SLC25A14: variants seen among roughly 807,000 people sequenced by gnomAD.
SLC25A14 encodes the protein brain mitochondrial carrier protein 1.
Under a neutral mutation model 28.1 loss-of-function variants are expected in SLC25A14, and 8 were observed. The ratio of observed to expected loss-of-function variants is 0.28; its 90% CI spans 0.17 to 0.51. The LOEUF (loss-of-function observed/expected upper bound fraction) is 0.51. SLC25A14 is among the 20% of genes least tolerant of loss of function. SLC25A14 has a pLI of 0.97. For missense variants in SLC25A14, 135 were observed against 263.8 expected (o/e 0.51, Z 3.38); for synonymous variants, 74 against 90.6 (o/e 0.82, Z 1.04).
At chrX:130,359,408 T>G (rs2033900280) in intron 7 of SLC25A14, among the ~76,000 whole-genome samples, 1 of 105,220 alleles carries the variant, frequency 9.5e-6, no homozygotes, top group African/African-American at 3.4e-5. Flanking sequence ...CCTTAAACAA[T>G]TTTTTAACCT....
intron 4 of SLC25A14, among the ~76,000 whole-genome samples, chrX:130,348,782 C>T (rs1161774723): frequency 2.0e-3 from 13 of 6,560 alleles, no homozygotes; most frequent in African/African-American, 8.1e-3. Context: ...GAGACTCTAC[C>T]CCCCCCCCCC....
intron 8 of SLC25A14, 77 bp downstream of exon 8, chrX:130,364,829 T>C: frequency 8.6e-7 from 1 of 1,160,836 alleles, no homozygotes; most frequent in Non-Finnish European, 1.2e-6. Context: ...AATCCTCAGG[T>C]GGAATTTGAT....
Position 130,370,815 on chromosome X carries a change from G to A in SLC25A14, c.856-749G>A, listed in dbSNP as rs138859977. Among the ~76,000 whole-genome samples, 442 of 112,320 alleles carry A rather than the reference G, an allele frequency of 3.9e-3. 1 individual carries two copies. The highest frequency in any genetic ancestry group is 0.014 in the African/African-American group (422 of 30,970). On this transcript the variant is annotated intron_variant, in intron 9 of 10. Coordinates refer to ENST00000545805, the MANE Select transcript of SLC25A14 (RefSeq NM_001282195.2). ...TATGCACTCCATGAGGGTAGAAACT[G>A]CTGTATAGGTTACCTATTGCTGTGT... is the stretch of plus-strand genomic sequence containing the variant.
intron 2 of SLC25A14, among the ~76,000 whole-genome samples, chrX:130,342,871 C>G (rs759012549): frequency 9.4e-6 from 1 of 105,851 alleles, no homozygotes; most frequent in South Asian, 4.1e-4. Flanking sequence ...ATACATTTAG[C>G]TGAAAAAAAA....
At chrX:130,344,419 C>T (rs1310940030) in intron 2 of SLC25A14, among the ~76,000 whole-genome samples, 2 of 110,963 alleles carry the variant, frequency 1.8e-5, no homozygotes, top group Non-Finnish European at 3.8e-5. Flanking sequence ...ACAGGTCTAA[C>T]GGGGGTGGGA....
intron 6 of SLC25A14, among the ~76,000 whole-genome samples, chrX:130,355,606 T>C (rs2033765741): frequency 8.9e-6 from 1 of 112,187 alleles, no homozygotes; most frequent in Admixed American, 9.4e-5. Flanking sequence ...GTGCTATTGT[T>C]ACATTTAACA....
chrX:130,342,392 T>C (rs187700355), intron 2 of SLC25A14, among the ~76,000 whole-genome samples: 4 of 112,010 alleles, frequency 3.6e-5, no homozygotes, highest in African/African-American at 1.3e-4. Flanking sequence ...AATTGAAGTA[T>C]AATGTGTCAA....
At chrX:130,355,571 A>G (rs1219034707) in intron 6 of SLC25A14, among the ~76,000 whole-genome samples, 1 of 111,939 alleles carries the variant, frequency 8.9e-6, no homozygotes, top group Non-Finnish European at 1.9e-5. Context: ...ATCTCATAAA[A>G]GGAATATTTT....
chrX:130,342,540 A>G (rs994451060), intron 2 of SLC25A14, among the ~76,000 whole-genome samples: 3 of 112,163 alleles, frequency 2.7e-5, no homozygotes, highest in African/African-American at 9.7e-5. Flanking sequence ...AAGACTGGGT[A>G]CAAATTAGAG....
At chrX:130,352,617 G>A (rs1308821639) in intron 6 of SLC25A14, among the ~76,000 whole-genome samples, 2 of 112,037 alleles carry the variant, frequency 1.8e-5, no homozygotes, top group Non-Finnish European at 3.8e-5. Flanking sequence ...CATTCTGACT[G>A]GTGTGAGATG....
chrX:130,364,493 T>C (rs1399832080), intron 7 of SLC25A14, 135 bp from the exon 8 acceptor site: 4 of 363,989 alleles, frequency 1.1e-5, no homozygotes, highest in Non-Finnish European at 1.9e-5. Flanking sequence ...TATTAGTCAT[T>C]GATTTGAAAG....
At chrX:130,340,383 A>C (rs2033209124) in intron 2 of SLC25A14, 30 bp downstream of exon 2, 1 of 1,205,992 alleles carries the variant, frequency 8.3e-7, no homozygotes, top group Non-Finnish European at 1.1e-6. Flanking sequence ...GTATTAGTGT[A>C]AGGGATACTG....
intron 6 of SLC25A14, among the ~76,000 whole-genome samples, chrX:130,352,980 T>G (rs773091221): frequency 2.0e-4 from 22 of 112,544 alleles, no homozygotes; most frequent in Admixed American, 1.7e-3. Flanking sequence ...TCATAAATTA[T>G]TTCCCAAGGC....
At chrX:130,360,151 C>G (rs1458867047) in intron 7 of SLC25A14, among the ~76,000 whole-genome samples, 2 of 106,050 alleles carry the variant, frequency 1.9e-5, no homozygotes, top group African/African-American at 6.9e-5. Flanking sequence ...AAGTGATCCT[C>G]TGGCCTTGGC....
At chrX:130,358,765 C>T (rs1603262839) in intron 7 of SLC25A14, 30 bp downstream of exon 7, 1 of 975,432 alleles carries the variant, frequency 1.0e-6, no homozygotes, top group East Asian at 3.1e-5. Flanking sequence ...TATTATCCTA[C>T]ACTCTCAGTT....
At chrX:130,340,940 T>G (rs2033239646) in intron 2 of SLC25A14, among the ~76,000 whole-genome samples, 1 of 111,069 alleles carries the variant, frequency 9.0e-6, no homozygotes, top group African/African-American at 3.3e-5. Flanking sequence ...TCACACTTCT[T>G]GTCTGATACT....
At chrX:130,344,506 T>C (rs1230063745) in intron 2 of SLC25A14, among the ~76,000 whole-genome samples, 1 of 110,998 alleles carries the variant, frequency 9.0e-6, no homozygotes, top group Non-Finnish European at 1.9e-5. Context: ...ACAGTATTTA[T>C]ATGTGTGTGT....
chrX:130,354,765 C>T (rs745348524), intron 6 of SLC25A14, among the ~76,000 whole-genome samples: 13 of 111,873 alleles, frequency 1.2e-4, no homozygotes, highest in African/African-American at 3.3e-4. Flanking sequence ...GCTTCAGTGA[C>T]AGAGTTGAGT....
intron 6 of SLC25A14, among the ~76,000 whole-genome samples, chrX:130,353,972 C>T (rs2033699278): frequency 9.0e-6 from 1 of 111,411 alleles, no homozygotes; most frequent in Non-Finnish European, 1.9e-5. Context: ...TTTTCCTATT[C>T]CTTAGCTTCA....
Sources: allele counts gnomAD v4.1 joint callset (sites outside exome capture counted in the v4.1 genomes callset), GRCh38; gene constraint gnomAD v4.1.1; transcripts MANE v1.5; gene names NCBI Gene and HGNC (gene_info 2026-07-23, HGNC 2026-07-21).